Variants in CRLF3 observed in about 807,000 individuals in gnomAD.
CRLF3 encodes the protein cytokine receptor-like factor 3.
Under a neutral mutation model 55.0 loss-of-function variants are expected in CRLF3, and 33 were observed. The observed-to-expected ratio is 0.60, with a 90% CI of 0.46 to 0.80. The LOEUF (loss-of-function observed/expected upper bound fraction) is 0.80. CRLF3 is among the 30% of genes least tolerant of loss of function. CRLF3 has a pLI of 0.00. For synonymous variants in CRLF3, 238 were observed against 196.8 expected (o/e 1.21, Z -1.75); for missense variants, 494 against 538.4 (o/e 0.92, Z 0.82).
At chr17:30,802,009 T>A (rs1972013246) in intron 2 of CRLF3, among the ~76,000 whole-genome samples, 1 of 151,970 alleles carries the variant, frequency 6.6e-6, no homozygotes, top group Non-Finnish European at 1.5e-5. Flanking sequence ...CCCACACTAT[T>A]CCAGACAAAG....
intron 6 of CRLF3, among the ~76,000 whole-genome samples, chr17:30,788,337 AAG>A (rs1491134955): frequency 6.4e-5 from 9 of 141,196 alleles, no homozygotes; most frequent in African/African-American, 2.1e-4. Context: ...AAAAAAAAAA[AAG>A]AAAAGAAAAG....
intron 6 of CRLF3, among the ~76,000 whole-genome samples, chr17:30,789,534 C>T (rs1313087691): frequency 6.6e-6 from 1 of 152,104 alleles, no homozygotes; most frequent in Non-Finnish European, 1.5e-5. Flanking sequence ...GTTAACTCTC[C>T]CATGAAAAAG....
intron 3 of CRLF3, 40 bp from the exon 4 acceptor site, chr17:30,796,377 G>C (rs761509662): frequency 6.8e-6 from 10 of 1,478,862 alleles, no homozygotes; most frequent in Non-Finnish European, 8.2e-6. Flanking sequence ...ACCTCTAACT[G>C]AGAGTTAAAA....
intron 2 of CRLF3, among the ~76,000 whole-genome samples, chr17:30,801,730 C>T (rs1004545242): frequency 1.3e-5 from 2 of 152,030 alleles, no homozygotes; most frequent in African/African-American, 4.8e-5. Flanking sequence ...GCCTCGGCCT[C>T]TAATAACTTT....
chr17:30,818,948 T>C (rs1183584719), intron 1 of CRLF3, among the ~76,000 whole-genome samples: 2 of 152,064 alleles, frequency 1.3e-5, no homozygotes, highest in Admixed American at 6.6e-5. Context: ...CCAGAGTAGC[T>C]GGAATTACAG....
Position 30,783,044 on chromosome 17 carries a change from G to A in CRLF3, c.*1143C>T, listed in dbSNP as rs1971535439. ...GTTTTTAAAAAAAATAAGTATTTAC[G>A]CTATATTTTTTTGCTCTGCTAAAAA... On this transcript the variant is annotated 3_prime_UTR_variant, in exon 8 of 8. Transcript: ENST00000324238. The A allele has an allele frequency of 2.6e-5, 4 of 152,052 alleles. No individual in the cohort carries two copies. Among genetic ancestry groups the A allele is most frequent in the South Asian group, 2.1e-4 (1 of 4,818 alleles). The allele number at this position is 152,052 out of a possible 1,614,324, so 9.4% of individuals were successfully genotyped here.
intron 1 of CRLF3, among the ~76,000 whole-genome samples, chr17:30,806,554 T>A (rs28469200): frequency 0.14 from 21,220 of 152,184 alleles, 1,617 homozygotes; most frequent in South Asian, 0.25. Flanking sequence ...CTAAATCTAC[T>A]GATCTCAGAT....
In CRLF3 at chr17:30,799,786, C is replaced by T. The variant is rs139663376; in HGVS notation, c.338-2388G>A. Among the ~76,000 whole-genome samples, 22 of 151,976 alleles carry T rather than the reference C, an allele frequency of 1.4e-4. No homozygotes were observed. In the East Asian group the frequency reaches 2.1e-3, roughly 15 times the overall value. On this transcript the variant is annotated intron_variant, in intron 2 of 7. Coordinates refer to ENST00000324238, the MANE Select transcript of CRLF3 (RefSeq NM_015986.4). Reference sequence around the variant, plus strand: ...TCCCAAAGTGTTGTGATTACAGGCACGAGCCACCGCGCCCGGCCAGGATTT... The same window carrying T: ...TCCCAAAGTGTTGTGATTACAGGCATGAGCCACCGCGCCCGGCCAGGATTT...
In CRLF3 at chr17:30,785,957, G is replaced by A. The variant is rs1164647014; in HGVS notation, c.1034C>T (p.Ser345Phe). 1 of 1,611,910 alleles carries A rather than the reference G, an allele frequency of 6.2e-7. No individual in the cohort carries two copies. The highest frequency in any genetic ancestry group is 8.5e-7 in the Non-Finnish European group (1 of 1,178,112). Residue 345 changes from serine to phenylalanine, a missense_variant, in exon 7 of 8, where the codon TCT becomes TTT. Transcript: ENST00000324238. ...VCAEKQDGYD[S>F]LQRDQAVCIS... is the part of the protein sequence containing the mutation. ...GCACACAGCTTGATCCCGCTGCAGAGAGTCATATCCATCCTGTTTTTCTGC... is the reference window on the plus strand; with the variant it reads ...GCACACAGCTTGATCCCGCTGCAGAAAGTCATATCCATCCTGTTTTTCTGC...
Position 30,784,458 on chromosome 17 carries a change from TAA to T in CRLF3, c.1073-17_1073-16del, listed in dbSNP as rs1316127005. On this transcript the variant is annotated splice_polypyrimidine_tract_variant and intron_variant, in intron 7 of 7. Transcript: ENST00000324238. ...AAAAACTGCACCTAAAATGTTAAGG[TAA>T]AGAGTCATTTACATGTGAGCAATAA... 3.1e-6 allele frequency: 5 copies of T among 1,602,526 alleles called. No homozygotes were observed. In the East Asian group the frequency reaches 1.1e-4, roughly 36 times the overall value.
chr17:30,797,523 A>G (rs1240632689), intron 2 of CRLF3, 125 bp from the exon 3 acceptor site: 2 of 716,104 alleles, frequency 2.8e-6, no homozygotes, highest in Admixed American at 4.7e-5. Context: ...GCCACAGTCA[A>G]ATTCCCAAAA....
Position 30,789,228 on chromosome 17 carries a change from T to C in CRLF3, c.960-3197A>G, listed in dbSNP as rs145463783. On this transcript the variant is annotated intron_variant, in intron 6 of 7. Coordinates refer to ENST00000324238, the MANE Select transcript of CRLF3 (RefSeq NM_015986.4). The stretch of plus-strand genomic sequence containing the variant: ...GGCCTGGTGATGCATCTTTAGGAGA[T>C]GCAAGAGAGACTCAACAGTTTATTG... Among the ~76,000 whole-genome samples the C allele has an allele frequency of 2.8e-3, 421 of 152,314 alleles. 1 individual carries two copies. The highest frequency in any genetic ancestry group is 9.8e-3 in the African/African-American group (408 of 41,584).
intron 4 of CRLF3, among the ~76,000 whole-genome samples, chr17:30,794,519 C>T (rs551264234): frequency 5.8e-4 from 89 of 152,184 alleles, no homozygotes; most frequent in African/African-American, 2.0e-3. Flanking sequence ...ACAACAAGGC[C>T]AGACATGATG....
chr17:30,814,448 G>A (rs1904720742), intron 1 of CRLF3, among the ~76,000 whole-genome samples: 1 of 151,870 alleles, frequency 6.6e-6, no homozygotes, highest in Non-Finnish European at 1.5e-5. Context: ...AAGGTCAGGA[G>A]TTGGGAGACC....
At chr17:30,790,162 T>C (rs1470621021) in intron 6 of CRLF3, among the ~76,000 whole-genome samples, 1 of 152,140 alleles carries the variant, frequency 6.6e-6, no homozygotes, top group Non-Finnish European at 1.5e-5. Context: ...CTGGCTTAGA[T>C]AAAATATTCA....
Position 30,782,792 on chromosome 17 carries a change from A to G in CRLF3, c.*1395T>C, listed in dbSNP as rs1971522624. The G allele has an allele frequency of 6.6e-6, 1 of 152,222 alleles. No homozygotes were observed. Among genetic ancestry groups the G allele is most frequent in the Non-Finnish European group, 1.5e-5 (1 of 68,046 alleles). 9.4% of individuals were successfully genotyped at this position (152,222 alleles called of 1,614,324 possible). Reference sequence around the variant, plus strand: ...GTGGAAATCTACTACTTATATATAAAAAGACAAGTAGAAAAGGTCATGATT... The same window carrying G: ...GTGGAAATCTACTACTTATATATAAGAAGACAAGTAGAAAAGGTCATGATT... On this transcript the variant is annotated 3_prime_UTR_variant, in exon 8 of 8. Coordinates refer to ENST00000324238, the MANE Select transcript of CRLF3 (RefSeq NM_015986.4).
chr17:30,784,529 C>T lies in CRLF3; in HGVS notation c.1073-86G>A, dbSNP rs1424160833. On this transcript the variant is annotated intron_variant, in intron 7 of 7. Transcript: ENST00000324238. ...TTTCTAGATTACTGGTAACACAGCT[C>T]ATTTCCTAATTCAGATTTTAAAAAA... 3 of 1,188,424 alleles carry T rather than the reference C, an allele frequency of 2.5e-6. No individual in the cohort carries two copies. The South Asian group carries it at 4.3e-5, about 17-fold the overall frequency. 73.6% of individuals were successfully genotyped at this position (1,188,424 alleles called of 1,614,324 possible).
intron 2 of CRLF3, among the ~76,000 whole-genome samples, chr17:30,799,265 G>A (rs898597948): frequency 6.6e-6 from 1 of 152,140 alleles, no homozygotes; most frequent in Non-Finnish European, 1.5e-5. Flanking sequence ...AGTGCAACAC[G>A]CCATCTCAAA....
intron 2 of CRLF3, among the ~76,000 whole-genome samples, chr17:30,799,063 G>C (rs1409660157): frequency 6.6e-6 from 1 of 152,108 alleles, no homozygotes; most frequent in Non-Finnish European, 1.5e-5. Context: ...CACGAGGTCA[G>C]GAGTGCTAGA....
Sources: allele counts gnomAD v4.1 joint callset (sites outside exome capture counted in the v4.1 genomes callset), GRCh38; gene constraint gnomAD v4.1.1; transcripts MANE v1.5; gene names NCBI Gene and HGNC (gene_info 2026-07-23, HGNC 2026-07-21).